TTC28: variants seen among roughly 807,000 people sequenced by gnomAD.
TTC28 encodes the protein tetratricopeptide repeat protein 28.
In TTC28, 61 loss-of-function variants were observed where a neutral mutation model predicts 198.0. That is an observed-to-expected ratio of 0.31 (90% CI 0.25 to 0.38). The LOEUF (loss-of-function observed/expected upper bound fraction) is 0.38. Among genes scored for constraint, TTC28 ranks in the 10% least tolerant of loss-of-function variants. The pLI is 1.00. For missense variants in TTC28, 2,678 were observed against 3,164.0 expected (o/e 0.85, Z 3.69); for synonymous variants, 1,171 against 1,297.8 (o/e 0.90, Z 2.10).
intron 2 of TTC28, among the ~76,000 whole-genome samples, chr22:28,452,749 T>C (rs2047803461): frequency 6.6e-6 from 1 of 152,174 alleles, no homozygotes; most frequent in South Asian, 2.1e-4. Flanking sequence ...ATACTCTGTT[T>C]TGGGGAACTT....
chr22:28,204,460 G>C (rs913626865), intron 5 of TTC28, among the ~76,000 whole-genome samples: 2 of 152,130 alleles, frequency 1.3e-5, no homozygotes, highest in Non-Finnish European at 2.9e-5. Context: ...AATCCTGCAA[G>C]AAAAGTGAAA....
intron 2 of TTC28, among the ~76,000 whole-genome samples, chr22:28,352,505 C>G (rs2046015275): frequency 6.6e-6 from 1 of 152,012 alleles, no homozygotes; most frequent in Non-Finnish European, 1.5e-5. Flanking sequence ...TCCTAAGTGC[C>G]AGAAACAATG....
intron 2 of TTC28, among the ~76,000 whole-genome samples, chr22:28,532,838 T>C (rs1036986768): frequency 2.6e-5 from 4 of 151,994 alleles, no homozygotes; most frequent in Admixed American, 6.6e-5. Flanking sequence ...GCAGTAAAGG[T>C]CTTTGACAAA....
chr22:28,630,062 C>A (rs1426216734), intron 1 of TTC28, among the ~76,000 whole-genome samples: 1 of 151,880 alleles, frequency 6.6e-6, no homozygotes, highest in East Asian at 1.9e-4. Context: ...CAGTGAGAGC[C>A]GGTTGTTAAG....
intron 12 of TTC28, among the ~76,000 whole-genome samples, chr22:28,089,789 A>T (rs1006582828): frequency 2.6e-5 from 4 of 152,026 alleles, no homozygotes; most frequent in Non-Finnish European, 4.4e-5. Flanking sequence ...CAGCCATAAA[A>T]AATGATGAGT....
At chr22:28,127,029 A>C (rs1229162836) in intron 6 of TTC28, among the ~76,000 whole-genome samples, 2 of 152,138 alleles carry the variant, frequency 1.3e-5, no homozygotes, top group Non-Finnish European at 2.9e-5. Context: ...CTAGGCTCCA[A>C]ATTTTAAAAA....
At chr22:28,506,477 C>G (rs1270180496) in intron 2 of TTC28, among the ~76,000 whole-genome samples, 2 of 152,088 alleles carry the variant, frequency 1.3e-5, no homozygotes, top group African/African-American at 4.8e-5. Context: ...TCAGCTGTTC[C>G]GGTCTACCAG....
chr22:28,155,837 T>C (rs1445082791), intron 6 of TTC28, among the ~76,000 whole-genome samples: 1 of 152,126 alleles, frequency 6.6e-6, no homozygotes, highest in South Asian at 2.1e-4. Context: ...ATACAATATG[T>C]GGCAATGAAT....
At chr22:28,549,576 C>G (rs2145956205) in intron 2 of TTC28, among the ~76,000 whole-genome samples, 1 of 152,276 alleles carries the variant, frequency 6.6e-6, no homozygotes, top group African/African-American at 2.4e-5. Context: ...CTTTTTAAGT[C>G]TATCTTAATT....
intron 2 of TTC28, among the ~76,000 whole-genome samples, chr22:28,542,334 A>G (rs1045010949): frequency 9.2e-5 from 14 of 152,268 alleles, no homozygotes; most frequent in African/African-American, 2.6e-4. Context: ...AGCAGTCTAC[A>G]TATATATAAT....
At chr22:28,579,619 T>C (rs1052627721) in intron 2 of TTC28, among the ~76,000 whole-genome samples, 2 of 149,238 alleles carry the variant, frequency 1.3e-5, no homozygotes, top group Admixed American at 1.3e-4. Context: ...TATAGTCACA[T>C]ATACAAATGT....
chr22:28,504,453 T>TAC (rs1272050544), intron 2 of TTC28, among the ~76,000 whole-genome samples: 39 of 152,136 alleles, frequency 2.6e-4, no homozygotes, highest in Admixed American at 2.6e-3. Context: ...TGTGTATATG[T>TAC]ACACACACAC....
chr22:28,574,535 A>G (rs909158538), intron 2 of TTC28, among the ~76,000 whole-genome samples: 3 of 152,160 alleles, frequency 2.0e-5, no homozygotes, highest in Admixed American at 2.0e-4. Context: ...TTCTGGGTGT[A>G]TACCTAGCAA....
intron 12 of TTC28, among the ~76,000 whole-genome samples, chr22:28,086,879 A>C (rs1941624404): frequency 6.6e-6 from 1 of 151,960 alleles, no homozygotes; most frequent in South Asian, 2.1e-4. Flanking sequence ...AATACTACAA[A>C]CACCTCTACG....
chr22:28,011,805 A>T (rs971772337), intron 14 of TTC28, among the ~76,000 whole-genome samples: 2 of 152,068 alleles, frequency 1.3e-5, no homozygotes, highest in Non-Finnish European at 2.9e-5. Context: ...TGGGCCAGAG[A>T]GATGAGAGGA....
intron 2 of TTC28, among the ~76,000 whole-genome samples, chr22:28,394,919 G>C (rs893047111): frequency 2.6e-5 from 4 of 152,056 alleles, no homozygotes; most frequent in Admixed American, 6.5e-5. Flanking sequence ...GTAATACTAT[G>C]ACTATGTGCT....
rs943362095 is a variant in TTC28 at position 27,999,203 on chromosome 22, T to C, written c.4456A>G (p.Ile1486Val). 17 of 1,550,860 alleles carry C rather than the reference T, an allele frequency of 1.1e-5. 1 individual carries two copies. The highest frequency in any genetic ancestry group is 1.5e-5 in the Non-Finnish European group (17 of 1,146,986). ...YSSSTSMAAV[I>V]GNPKLPSAVM... ...GCCGATGGTAGCTTGGGGTTGCCGA[T>C]GACAGCCGCCATGGATGTGGAGCTG... is the stretch of plus-strand genomic sequence containing the variant. Residue 1486 changes from isoleucine (I) to valine (V), a missense_variant, in exon 16 of 23, where the codon ATC (isoleucine) becomes GTC (valine). Coordinates refer to ENST00000397906, the MANE Select transcript of TTC28 (RefSeq NM_001145418.2).
At position 27,978,969 on chromosome 22, in the gene TTC28, G is replaced by A. The variant is rs927125614; in HGVS notation, c.*3252C>T. The A allele has an allele frequency of 1.3e-5, 2 of 152,176 alleles. No individual in the cohort carries two copies. Among genetic ancestry groups the A allele is most frequent in the Non-Finnish European group, 2.9e-5 (2 of 68,046 alleles). The allele number at this position is 152,176 out of a possible 1,614,324, so 9.4% of individuals were successfully genotyped here. ...TTCTGCAAATGGTAAGGAAAAAATT[G>A]TTTTGTAAATATTACATCCATGGAC... is the stretch of plus-strand genomic sequence containing the variant. On this transcript the variant is annotated 3_prime_UTR_variant, in exon 23 of 23. Transcript: ENST00000397906.
chr22:28,570,869 A>G (rs2050048496), intron 2 of TTC28, among the ~76,000 whole-genome samples: 1 of 152,168 alleles, frequency 6.6e-6, no homozygotes, highest in Non-Finnish European at 1.5e-5. Context: ...GGTTAATGGG[A>G]GGTCAAGGAG....
Sources: gnomAD v4.1 joint callset for allele counts (sites outside exome capture counted in the v4.1 genomes callset) on GRCh38, gnomAD v4.1.1 for gene constraint, MANE v1.5 for transcripts, NCBI Gene and HGNC (gene_info 2026-07-23, HGNC 2026-07-21) for gene names.